The following DPEP3 variants were observed in gnomAD, a reference collection of about 807,000 sequenced individuals.
DPEP3 encodes the protein dipeptidase 3, also known as membrane-bound dipeptidase 3.
Under a neutral mutation model 47.5 loss-of-function variants are expected in DPEP3, and 42 were observed. The ratio of observed to expected loss-of-function variants is 0.88; its 90% confidence interval spans 0.69 to 1.14. The LOEUF is 1.14. Ranked by LOEUF, DPEP3 falls within the 50% of genes most tolerant of loss-of-function variation. The pLI is 0.00. For synonymous variants in DPEP3, 276 were observed against 270.2 expected (o/e 1.02, Z -0.21); for missense variants, 560 against 635.0 (o/e 0.88, Z 1.27).
chr16:67,979,358 G>A (rs535694530), intron 2 of DPEP3, among the ~76,000 whole-genome samples: 23 of 152,346 alleles, frequency 1.5e-4, no homozygotes, highest in African/African-American at 5.1e-4. Context: ...CATGTGCTAT[G>A]TGAATGCCCC....
At position 67,978,015 on chromosome 16, in the gene DPEP3, A is replaced by C. The variant is rs937988108; in HGVS notation, c.687-8T>G. The C allele has an allele frequency of 1.5e-5, 25 of 1,613,918 alleles. No homozygotes were observed. Among genetic ancestry groups the C allele is most frequent in the Non-Finnish European group, 1.9e-5 (22 of 1,179,858 alleles). On this transcript the variant is annotated splice_region_variant and splice_polypyrimidine_tract_variant and intron_variant, in intron 4 of 9. Transcript: ENST00000268793. This position sits in a 1 kb window ranked among gnomAD's most constrained non-coding sequence, Gnocchi z 4.4. ...TTGGTGGAACTCTCTGCCCTGCAGG[A>C]CAGCCATGGAAGGGCAATTTAGCTG...
At chr16:67,976,298 A>G in intron 8 of DPEP3, 70 bp from the exon 9 acceptor site, 1 of 1,587,996 alleles carries the variant, frequency 6.3e-7, no homozygotes, top group South Asian at 1.1e-5. Context: ...GCTGCCCACC[A>G]GCCCTAGTCA....
At position 67,976,139 on chromosome 16, in the gene DPEP3, C is replaced by A; in HGVS notation, c.1184G>T (p.Gly395Val). 2 of 1,614,220 alleles carry A rather than the reference C, an allele frequency of 1.2e-6. No homozygotes were observed. Among genetic ancestry groups the A allele is most frequent in the Non-Finnish European group, 8.5e-7 (1 of 1,180,048 alleles). ...CCGCAGCAGGTTTCCACGAAGGACA[C>A]CTTGAAGCTCTTCCTCGCTCCAGCT... ...SRSWSEEELQ[G>V]VLRGNLLRVF... The change falls in exon 9 of 10, where the codon GGT becomes GTT. Residue 395 changes from glycine (G) to valine (V), a missense_variant. By Grantham distance (109) the Gly-to-Val change is moderately radical. Transcript: ENST00000268793.
chr16:67,978,612 G>A lies in DPEP3; in HGVS notation c.429C>T (p.Ser143=), dbSNP rs781713957. ...GLVGAQFWSA[S]VSCQSQDQTA... is the part of the protein sequence containing the mutation. ...TCTGGTCCTGGGACTGGCATGAGAC[G>A]GAGGCTGACCAGAACTGAGGGTAGG... The change falls in exon 3 of 10, where the codon TCC becomes TCT. Residue 143 remains serine (S), a synonymous_variant. Coordinates refer to ENST00000268793, the MANE Select transcript of DPEP3 (RefSeq NM_001370198.1). This position sits in a 1 kb window ranked among gnomAD's most constrained non-coding sequence, Gnocchi z 4.4. 1.9e-5 allele frequency: 30 copies of A among 1,613,716 alleles called. No individual in the cohort carries two copies. Among genetic ancestry groups the A allele is most frequent in the Middle Eastern group, 1.6e-4 (1 of 6,062 alleles).
chr16:67,980,433 G>C lies in DPEP3; in HGVS notation c.-53C>G. The C allele has an allele frequency of 2.0e-6, 3 of 1,476,106 alleles. No individual in the cohort carries two copies. Among genetic ancestry groups the C allele is most frequent in the Non-Finnish European group, 2.7e-6 (3 of 1,114,252 alleles). The allele number at this position is 1,476,106 out of a possible 1,614,324, so 91.4% of individuals were successfully genotyped here. A position where few individuals can be genotyped will look rare whatever the true frequency, so the allele number is the denominator to read the frequency against. On this transcript the variant is annotated 5_prime_UTR_variant, in exon 1 of 10. Coordinates refer to ENST00000268793, the MANE Select transcript of DPEP3 (RefSeq NM_001370198.1). ...TGGGAGGAGCAGGCGATGGGCAGAG[G>C]CCGACAATGGGGTCCGGATCATGAC...
At chr16:67,977,590 T>C in intron 6 of DPEP3, 63 bp downstream of exon 6, 2 of 1,534,832 alleles carry the variant, frequency 1.3e-6, no homozygotes, top group Non-Finnish European at 1.8e-6. Context: ...GGTGGCTTTG[T>C]GCTCAGGGTC....
chr16:67,976,610 G>T, intron 8 of DPEP3, 90 bp downstream of exon 8: 1 of 1,246,860 alleles, frequency 8.0e-7, no homozygotes, highest in Non-Finnish European at 1.1e-6. Flanking sequence ...TGTGGCTGAG[G>T]CCTGGATGGG....
chr16:67,978,934 G>A lies in DPEP3; in HGVS notation c.415-308C>T, dbSNP rs866428687. On this transcript the variant is annotated intron_variant, in intron 2 of 9. Coordinates refer to ENST00000268793, the MANE Select transcript of DPEP3 (RefSeq NM_001370198.1). The surrounding 1 kb of genome is among the most constrained non-coding windows in gnomAD (Gnocchi z 4.4). ...AGCCTCCCAAAGTGTTGGCATTACAGATGTGAACTACCGAGCCTGGTTCCT... is the reference window on the plus strand; with the variant it reads ...AGCCTCCCAAAGTGTTGGCATTACAAATGTGAACTACCGAGCCTGGTTCCT... Among the ~76,000 whole-genome samples the A allele has an allele frequency of 1.3e-5, 2 of 152,264 alleles. No individual in the cohort carries two copies. Among genetic ancestry groups the A allele is most frequent in the Middle Eastern group, 6.8e-3 (2 of 294 alleles).
intron 1 of DPEP3, among the ~76,000 whole-genome samples, 155 bp downstream of exon 1, chr16:67,979,939 C>T (rs1402622113): frequency 1.3e-5 from 2 of 151,920 alleles, no homozygotes; most frequent in Non-Finnish European, 2.9e-5. Context: ...TGGAGTAATG[C>T]GGGGAAGGGC....
rs1232478488 is a variant in DPEP3 at position 67,978,201 on chromosome 16, C to T, written c.686+66G>A. On this transcript the variant is annotated intron_variant, in intron 4 of 9. Transcript: ENST00000268793. The surrounding 1 kb of genome is among the most constrained non-coding windows in gnomAD (Gnocchi z 4.4). ...TTCATCCTCAACGGCTTGGTCACAC[C>T]CATGCCAGGAATGGGGCAGTTTCCA... 5.0e-6 allele frequency: 8 copies of T among 1,610,152 alleles called. No homozygotes were observed. The highest frequency in any genetic ancestry group is 5.1e-6 in the Non-Finnish European group (6 of 1,177,742).
At chr16:67,977,388 T>G in intron 6 of DPEP3, 34 bp from the exon 7 acceptor site, 1 of 1,594,718 alleles carries the variant, frequency 6.3e-7, no homozygotes, top group Non-Finnish European at 8.6e-7. Flanking sequence ...TCTCAGCCCT[T>G]CTGGCCTGAG....
chr16:67,980,040 C>T, intron 1 of DPEP3, 54 bp downstream of exon 1: 1 of 1,552,306 alleles, frequency 6.4e-7, no homozygotes, highest in Non-Finnish European at 8.7e-7. Flanking sequence ...AGAACCTCCT[C>T]TCCTGCCCAA....
Position 67,977,856 on chromosome 16 carries a change from G to A in DPEP3, c.757-27C>T, listed in dbSNP as rs777519071. The A allele has an allele frequency of 3.1e-6, 5 of 1,613,622 alleles. No homozygotes were observed. In the South Asian group the frequency reaches 3.3e-5, roughly 11 times the overall value. ...TGCAGAAACAATTAGGTTTTTTTGT[G>A]GGGGAGGGTGTTGGGGTGCAAAGGT... On this transcript the variant is annotated intron_variant, in intron 5 of 9. Transcript: ENST00000268793.
Position 67,978,158 on chromosome 16 carries a change from C to A in DPEP3, c.686+109G>T. The stretch of plus-strand genomic sequence containing the variant: ...TGTGAGGGACCCACTGGGTGTCCAG[C>A]CTCCCTCTGCGGACCCCTTCATCCT... On this transcript the variant is annotated intron_variant, in intron 4 of 9. Transcript: ENST00000268793. The surrounding 1 kb of genome is among the most constrained non-coding windows in gnomAD (Gnocchi z 4.4). 1.3e-6 allele frequency: 2 copies of A among 1,586,308 alleles called. No homozygotes were observed. Among genetic ancestry groups the A allele is most frequent in the South Asian group, 1.1e-5 (1 of 89,312 alleles).
Position 67,978,110 on chromosome 16 carries a change from C to A in DPEP3, c.687-103G>T. The A allele has an allele frequency of 1.3e-6, 2 of 1,572,484 alleles. No homozygotes were observed. Among genetic ancestry groups the A allele is most frequent in the Non-Finnish European group, 1.7e-6 (2 of 1,145,864 alleles). ...ATCCATCCTGCTTCCAGAACAGGTG[C>A]AGAACCAGCTGCTTTCTGGGATTGT... On this transcript the variant is annotated intron_variant, in intron 4 of 9. Coordinates refer to ENST00000268793, the MANE Select transcript of DPEP3 (RefSeq NM_001370198.1). The surrounding 1 kb of genome is among the most constrained non-coding windows in gnomAD (Gnocchi z 4.4).
Position 67,978,648 on chromosome 16 carries a change from C to G in DPEP3, c.415-22G>C, listed in dbSNP as rs749424775. Reference sequence around the variant, plus strand: ...AGAACTGAGGGTAGGTCAAGGGGTCCAGAATGAGGCCAGGGCGGTCTTCAA... The same window carrying G: ...AGAACTGAGGGTAGGTCAAGGGGTCGAGAATGAGGCCAGGGCGGTCTTCAA... On this transcript the variant is annotated intron_variant, in intron 2 of 9. Transcript: ENST00000268793. The surrounding 1 kb of genome is among the most constrained non-coding windows in gnomAD (Gnocchi z 4.4). The G allele has an allele frequency of 2.2e-5, 36 of 1,612,968 alleles. No individual in the cohort carries two copies. Among genetic ancestry groups the G allele is most frequent in the Non-Finnish European group, 2.9e-5 (34 of 1,179,632 alleles).
Position 67,975,878 on chromosome 16 carries a change from T to G in DPEP3, c.1354A>C (p.Thr452Pro). 6.2e-7 allele frequency: 1 copy of G among 1,613,866 alleles called. No individual in the cohort carries two copies. Among genetic ancestry groups the G allele is most frequent in the Non-Finnish European group, 8.5e-7 (1 of 1,179,824 alleles). The change falls in exon 10 of 10, where the codon ACC becomes CCC. Residue 452 changes from threonine (T) to proline (P), a missense_variant. Transcript: ENST00000268793. The part of the protein sequence containing the change: ...NGHQATHLEV[T>P]KQPTNRVPWR... The stretch of plus-strand genomic sequence containing the variant: ...GGGACCCGATTGGTTGGCTGCTTGG[T>G]CACCTCCAGATGAGTAGCCTGGTGT...
chr16:67,978,193 G>C lies in DPEP3; in HGVS notation c.686+74C>G. The C allele has an allele frequency of 6.2e-7, 1 of 1,607,450 alleles. No individual in the cohort carries two copies. The highest frequency in any genetic ancestry group is 1.1e-5 in the South Asian group (1 of 90,668). Reference sequence around the variant, plus strand: ...CGGACCCCTTCATCCTCAACGGCTTGGTCACACCCATGCCAGGAATGGGGC... The same window carrying C: ...CGGACCCCTTCATCCTCAACGGCTTCGTCACACCCATGCCAGGAATGGGGC... On this transcript the variant is annotated intron_variant, in intron 4 of 9. Coordinates refer to ENST00000268793, the MANE Select transcript of DPEP3 (RefSeq NM_001370198.1). The surrounding 1 kb of genome is among the most constrained non-coding windows in gnomAD (Gnocchi z 4.4).
Position 67,978,281 on chromosome 16 carries a change from G to A in DPEP3, c.672C>T (p.Thr224=). 6.2e-7 allele frequency: 1 copy of A among 1,614,192 alleles called. No individual in the cohort carries two copies. The highest frequency in any genetic ancestry group is 1.1e-5 in the South Asian group (1 of 91,084). ...LGVRYLTLTF[T]CSTPWAESST... ...GTTATGCTCACCATGGTGTACTGCA[G>A]GTGAAGGTAAGTGTCAGGTAGCGCA... Residue 224 remains threonine (T), a synonymous_variant, in exon 4 of 10, where the codon ACC becomes ACT. Transcript: ENST00000268793. This position sits in a 1 kb window ranked among gnomAD's most constrained non-coding sequence, Gnocchi z 4.4.
Sources: allele counts gnomAD v4.1 joint callset (sites outside exome capture counted in the v4.1 genomes callset), GRCh38; gene constraint gnomAD v4.1.1; non-coding constraint Gnocchi (gnomAD v3.1); transcripts MANE v1.5; gene names NCBI Gene and HGNC (gene_info 2026-07-23, HGNC 2026-07-21).